The following TIMP2 variants were observed in gnomAD, a reference collection of about 807,000 sequenced individuals.
The protein encoded by TIMP2 is metalloproteinase inhibitor 2.
A neutral mutation model predicts 24.3 loss-of-function variants in TIMP2; 5 were observed. That is an observed-to-expected ratio of 0.21 (90% CI 0.11 to 0.43). The LOEUF (loss-of-function observed/expected upper bound fraction) is 0.43, where lower values mean the gene tolerates loss of function less well. TIMP2 is among the 20% of genes least tolerant of loss of function. The pLI, the probability that TIMP2 is intolerant of heterozygous loss-of-function variation, is 1.00. For missense variants in TIMP2, 221 were observed against 297.5 expected (o/e 0.74, Z 1.89); for synonymous variants, 130 against 123.2 (o/e 1.06, Z -0.37).
intron 3 of TIMP2, among the ~76,000 whole-genome samples, chr17:78,863,320 G>A (rs528512518): frequency 6.6e-6 from 1 of 152,276 alleles, no homozygotes; most frequent in Admixed American, 6.5e-5. Flanking sequence ...TTGGCTCACT[G>A]CAACTTCCGC....
intron 3 of TIMP2, among the ~76,000 whole-genome samples, chr17:78,862,666 C>T (rs1599145627): frequency 6.6e-6 from 1 of 152,384 alleles, no homozygotes; most frequent in East Asian, 1.9e-4. Context: ...AGGTAGTGGG[C>T]ATAGCGCCCA....
Position 78,891,754 on chromosome 17 carries a change from T to C in TIMP2, c.131-17835A>G. Reference sequence around the variant, plus strand: ...CAGCCACGAGTGGGTTTGACCTTTCTAGGTCCGCCCCTTTGCTCCTCCGAG... The same window carrying C: ...CAGCCACGAGTGGGTTTGACCTTTCCAGGTCCGCCCCTTTGCTCCTCCGAG... On this transcript the variant is annotated intron_variant, in intron 1 of 4. Transcript: ENST00000262768. This position sits in a 1 kb window ranked among gnomAD's most constrained non-coding sequence, Gnocchi z 4.5. 6.4e-7 allele frequency: 1 copy of C among 1,551,242 alleles called. No homozygotes were observed. The highest frequency in any genetic ancestry group is 1.2e-5 in the South Asian group (1 of 84,068).
At chr17:78,897,140 T>A in intron 1 of TIMP2, 1 of 283,316 alleles carries the variant, frequency 3.5e-6, no homozygotes, top group Non-Finnish European at 5.3e-6. Context: ...CGAAGGAGAC[T>A]CCAGGCCTGC....
At chr17:78,917,269 A>G (rs1434976851) in intron 1 of TIMP2, among the ~76,000 whole-genome samples, 1 of 147,918 alleles carries the variant, frequency 6.8e-6, no homozygotes. Context: ...AAAAAAAAAA[A>G]AAATACAAAA....
chr17:78,877,429 A>G (rs886236025), intron 1 of TIMP2, among the ~76,000 whole-genome samples: 12 of 152,096 alleles, frequency 7.9e-5, no homozygotes, highest in South Asian at 4.1e-4. Flanking sequence ...AAATACAAAA[A>G]TCCCAGCCAC....
At chr17:78,883,254 G>A (rs552405402) in intron 1 of TIMP2, among the ~76,000 whole-genome samples, 23 of 152,170 alleles carry the variant, frequency 1.5e-4, no homozygotes, top group Non-Finnish European at 2.2e-4. Context: ...TGTAGACACC[G>A]GAAGTGAAGA....
At chr17:78,912,417 TA>T (rs1369159515) in intron 1 of TIMP2, among the ~76,000 whole-genome samples, 1 of 152,006 alleles carries the variant, frequency 6.6e-6, no homozygotes, top group Non-Finnish European at 1.5e-5. Flanking sequence ...AAGGGCCAAA[TA>T]AACTCTCAAC....
At chr17:78,892,315 C>T (rs981608242) in intron 1 of TIMP2, 1 of 1,550,564 alleles carries the variant, frequency 6.4e-7, no homozygotes, top group Non-Finnish European at 8.7e-7. Flanking sequence ...GGCTCAGCCA[C>T]ATGGCTCCAT....
rs182013235 is a variant in TIMP2, at chr17:78,893,037, G to A, written c.131-19118C>T. Among the ~76,000 whole-genome samples the A allele has an allele frequency of 7.6e-4, 116 of 152,326 alleles. No individual in the cohort carries two copies. The East Asian group carries it at 9.8e-3, about 13-fold the overall frequency. On this transcript the variant is annotated intron_variant, in intron 1 of 4. Transcript: ENST00000262768. ...AAGGAAAGGAGGAAGAGACGGGGCA[G>A]GGAGGAGCCTGCCAAGCATGTGTGT... is the stretch of plus-strand genomic sequence containing the variant.
chr17:78,893,154 T>C (rs920075078), intron 1 of TIMP2, among the ~76,000 whole-genome samples: 27 of 144,928 alleles, frequency 1.9e-4, no homozygotes, highest in African/African-American at 6.8e-4. Flanking sequence ...TACATGTGTG[T>C]GCAGGGGTGT....
chr17:78,912,081 C>T (rs1338113532), intron 1 of TIMP2, among the ~76,000 whole-genome samples: 3 of 151,820 alleles, frequency 2.0e-5, no homozygotes, highest in Non-Finnish European at 4.4e-5. Flanking sequence ...AAATATGAAT[C>T]TCCCATGGCA....
rs1165072095 is a variant in TIMP2 at position 78,855,701 on chromosome 17, G to C, written c.629C>G (p.Pro210Arg). The change falls in exon 5 of 5, where the codon CCC (proline) becomes CGC (arginine). Residue 210 changes from proline to arginine, a missense_variant. By Grantham distance (103) the Pro-to-Arg change is moderately radical. Transcript: ENST00000262768. This position sits in a 1 kb window ranked among gnomAD's most constrained non-coding sequence, Gnocchi z 6.0. ...CTCGATGTCGAGAAACTCCTGCTTG[G>C]GGGGCGCCGCGCCGCGGTACCACGC... ...SCAWYRGAAP[P>R]KQEFLDIEDP 2 of 1,614,050 alleles carry C rather than the reference G, an allele frequency of 1.2e-6. No individual in the cohort carries two copies. Among genetic ancestry groups the C allele is most frequent in the Non-Finnish European group, 1.7e-6 (2 of 1,180,034 alleles).
At chr17:78,922,831 G>A (rs2070318031) in intron 1 of TIMP2, among the ~76,000 whole-genome samples, 1 of 152,164 alleles carries the variant, frequency 6.6e-6, no homozygotes, top group African/African-American at 2.4e-5. Flanking sequence ...TTTGGACACA[G>A]AGACACACGA....
At chr17:78,919,789 A>C (rs1337770264) in intron 1 of TIMP2, among the ~76,000 whole-genome samples, 1 of 151,956 alleles carries the variant, frequency 6.6e-6, no homozygotes, top group Non-Finnish European at 1.5e-5. Context: ...GAGCCAAGAT[A>C]GCGCCACTGC....
chr17:78,909,317 T>C (rs2070187251), intron 1 of TIMP2, among the ~76,000 whole-genome samples: 1 of 151,486 alleles, frequency 6.6e-6, no homozygotes, highest in African/African-American at 2.4e-5. Context: ...ATCACGCCAC[T>C]GCACTCCAGC....
At chr17:78,919,488 C>T (rs1312069303) in intron 1 of TIMP2, among the ~76,000 whole-genome samples, 4 of 152,274 alleles carry the variant, frequency 2.6e-5, no homozygotes, top group South Asian at 2.1e-4. Flanking sequence ...CCTCCAGATG[C>T]GGCTTCTTCA....
chr17:78,868,089 A>G (rs908250143), intron 3 of TIMP2, among the ~76,000 whole-genome samples: 49 of 152,288 alleles, frequency 3.2e-4, no homozygotes, highest in African/African-American at 1.0e-3. Context: ...CTCACTAAGC[A>G]CACATTGATT....
intron 1 of TIMP2, among the ~76,000 whole-genome samples, chr17:78,881,981 T>C (rs1341395821): frequency 1.3e-5 from 2 of 151,730 alleles, no homozygotes; most frequent in African/African-American, 4.8e-5. Context: ...CTTTTTTTTT[T>C]GAGATAGAGT....
intron 1 of TIMP2, among the ~76,000 whole-genome samples, chr17:78,923,072 G>A (rs754682348): frequency 2.0e-5 from 3 of 152,232 alleles, no homozygotes; most frequent in Admixed American, 6.5e-5. Flanking sequence ...CACAGGAAGC[G>A]AATGCCCTGA....
Sources: gnomAD v4.1 joint callset for allele counts (sites outside exome capture counted in the v4.1 genomes callset) on GRCh38, gnomAD v4.1.1 for gene constraint, Gnocchi (gnomAD v3.1) non-coding constraint, MANE v1.5 for transcripts, NCBI Gene and HGNC (gene_info 2026-07-23, HGNC 2026-07-21) for gene names.